The following AUTS2 variants were observed in gnomAD, a reference collection of about 807,000 sequenced individuals.
AUTS2 encodes autism susceptibility gene 2 protein.
In AUTS2, 17 loss-of-function variants were observed where a neutral mutation model predicts 112.4. That is an observed-to-expected ratio of 0.15 (90% confidence interval 0.10 to 0.23). The LOEUF (loss-of-function observed/expected upper bound fraction) is 0.23, where lower values mean the gene tolerates loss of function less well. Among genes scored for constraint, AUTS2 ranks in the 10% least tolerant of loss-of-function variants. AUTS2 has a pLI of 1.00. For missense variants in AUTS2, 1,510 were observed against 1,701.6 expected (o/e 0.89, Z 1.98); for synonymous variants, 751 against 702.7 (o/e 1.07, Z -1.09).
At chr7:70,027,288 T>A (rs1800563723) in intron 2 of AUTS2, among the ~76,000 whole-genome samples, 1 of 152,342 alleles carries the variant, frequency 6.6e-6, no homozygotes, top group Non-Finnish European at 1.5e-5. Flanking sequence ...TTGGTTTTTG[T>A]TATTTTAGCC....
At chr7:70,449,207 G>A (rs776809081) in intron 5 of AUTS2, among the ~76,000 whole-genome samples, 8 of 152,314 alleles carry the variant, frequency 5.3e-5, no homozygotes, top group Admixed American at 1.3e-4. Flanking sequence ...ATTTTTGCCC[G>A]TCCACTTGAA....
intron 2 of AUTS2, among the ~76,000 whole-genome samples, chr7:69,994,688 TCTG>T (rs1798871090): frequency 6.6e-6 from 1 of 152,218 alleles, no homozygotes. Context: ...TAACAGATTA[TCTG>T]CTATTTACTG....
intron 1 of AUTS2, among the ~76,000 whole-genome samples, chr7:69,774,683 T>C (rs1788818133): frequency 6.6e-6 from 1 of 152,266 alleles, no homozygotes; most frequent in African/African-American, 2.4e-5. Context: ...CTTGGCATTG[T>C]GGCTTATGCA....
At chr7:70,353,466 C>G (rs1192280290) in intron 4 of AUTS2, among the ~76,000 whole-genome samples, 1 of 152,064 alleles carries the variant, frequency 6.6e-6, no homozygotes. Context: ...GGAGACCTTT[C>G]TAGTCTCCTG....
At chr7:69,813,368 A>G (rs1169256746) in intron 1 of AUTS2, among the ~76,000 whole-genome samples, 1 of 152,148 alleles carries the variant, frequency 6.6e-6, no homozygotes, top group Admixed American at 6.5e-5. Flanking sequence ...GTGAATAAGC[A>G]TTGCCCAGAG....
chr7:70,253,385 G>C (rs186049036), intron 4 of AUTS2, among the ~76,000 whole-genome samples: 32 of 152,152 alleles, frequency 2.1e-4, no homozygotes, highest in Non-Finnish European at 4.1e-4. Flanking sequence ...TATACTTAGC[G>C]TGTCTGAAAT....
At chr7:70,152,688 A>G (rs1252013020) in intron 4 of AUTS2, among the ~76,000 whole-genome samples, 1 of 152,216 alleles carries the variant, frequency 6.6e-6, no homozygotes, top group Non-Finnish European at 1.5e-5. Flanking sequence ...AAAAACGAGC[A>G]AAAGATTTGA....
At chr7:69,906,471 G>A (rs753013824) in intron 2 of AUTS2, among the ~76,000 whole-genome samples, 18 of 152,178 alleles carry the variant, frequency 1.2e-4, no homozygotes, top group Non-Finnish European at 2.4e-4. Flanking sequence ...CACATGCTGC[G>A]TGATTCCCGT....
rs368284521 is a variant in AUTS2, at chr7:70,714,913, TG to T, written c.742+16294del. Among the ~76,000 whole-genome samples, 5 of 152,366 alleles carry T rather than the reference TG, an allele frequency of 3.3e-5. No individual in the cohort carries two copies. In the East Asian group the frequency reaches 5.8e-4, roughly 18 times the overall value. On this transcript the variant is annotated intron_variant, in intron 6 of 18. Coordinates refer to ENST00000342771, the MANE Select transcript of AUTS2 (RefSeq NM_015570.4). ...TCAAAATTATTCAGTAAGTTTAGGT[TG>T]TGGCAACCTGATACTTGCATTGGCA...
rs186827592 is a variant in AUTS2, at chr7:70,244,847, C to T, written c.660+110276C>T. Among the ~76,000 whole-genome samples, 914 of 152,082 alleles carry T rather than the reference C, an allele frequency of 6.0e-3. 6 individuals are homozygous for T. Among genetic ancestry groups the T allele is most frequent in the Non-Finnish European group, 8.0e-3 (547 of 67,966 alleles). On this transcript the variant is annotated intron_variant, in intron 4 of 18. Coordinates refer to ENST00000342771, the MANE Select transcript of AUTS2 (RefSeq NM_015570.4). Reference sequence around the variant, plus strand: ...AAAGTAAGTGCAAGATGGCCGGGTGCGGCGGTTCACACCTATAATCCCAGC... The same window carrying T: ...AAAGTAAGTGCAAGATGGCCGGGTGTGGCGGTTCACACCTATAATCCCAGC...
chr7:70,288,101 T>G (rs1419389846), intron 4 of AUTS2, among the ~76,000 whole-genome samples: 2 of 152,100 alleles, frequency 1.3e-5, no homozygotes, highest in African/African-American at 4.8e-5. Context: ...GGGCATAATT[T>G]TTGTCATCTT....
At chr7:70,330,502 G>C (rs1025241490) in intron 4 of AUTS2, among the ~76,000 whole-genome samples, 1 of 152,180 alleles carries the variant, frequency 6.6e-6, no homozygotes, top group Non-Finnish European at 1.5e-5. Context: ...CCTTATGCCA[G>C]TAGTACACTG....
chr7:70,605,532 C>T (rs1186649543), intron 5 of AUTS2, among the ~76,000 whole-genome samples: 62 of 100,304 alleles, frequency 6.2e-4, no homozygotes, highest in Middle Eastern at 5.2e-3. Context: ...TTCTTTCTTT[C>T]TTTCCTTCTT....
chr7:70,186,742 G>A (rs968428161), intron 4 of AUTS2, among the ~76,000 whole-genome samples: 6 of 151,956 alleles, frequency 3.9e-5, no homozygotes, highest in Admixed American at 3.3e-4. Context: ...GTTAATTTTT[G>A]CATTTTTAGT....
Position 70,331,516 on chromosome 7 carries a change from AT to A in AUTS2, c.661-104222del, listed in dbSNP as rs372805565. ...AAAAAACTAGCTCCTGGACTCATTG[AT>A]TTTTTTTTTTTTTGAAGGGTTTTTC... On this transcript the variant is annotated intron_variant, in intron 4 of 18. Transcript: ENST00000342771. 6.6e-3 allele frequency among the ~76,000 whole-genome samples: 922 copies of A among 140,662 alleles called. 5 individuals are homozygous for A. The highest frequency in any genetic ancestry group is 0.013 in the African/African-American group (495 of 38,414). The allele number at this position is 140,662 out of a possible 152,430, so 92.3% of individuals were successfully genotyped here.
At chr7:70,017,079 A>AT (rs1800063159) in intron 2 of AUTS2, among the ~76,000 whole-genome samples, 1 of 152,232 alleles carries the variant, frequency 6.6e-6, no homozygotes, top group Admixed American at 6.5e-5. Flanking sequence ...TAATGCTATG[A>AT]AACTTCAAGT....
chr7:69,866,688 T>C (rs1240723447), intron 1 of AUTS2, among the ~76,000 whole-genome samples: 1 of 152,196 alleles, frequency 6.6e-6, no homozygotes, highest in Non-Finnish European at 1.5e-5. Context: ...CCTGTCACAG[T>C]AGATGATGTA....
intron 4 of AUTS2, among the ~76,000 whole-genome samples, chr7:70,309,636 A>T (rs1257898893): frequency 1.3e-5 from 2 of 152,228 alleles, no homozygotes; most frequent in South Asian, 4.1e-4. Context: ...GAAAATCATT[A>T]TTCTATTGTA....
chr7:70,656,905 G>T (rs893777590), intron 5 of AUTS2, among the ~76,000 whole-genome samples: 33 of 112,542 alleles, frequency 2.9e-4, no homozygotes, highest in Middle Eastern at 4.9e-3. Flanking sequence ...AAGCTAAGGT[G>T]TATGGGTTTA....
Sources: allele counts gnomAD v4.1 joint callset (sites outside exome capture counted in the v4.1 genomes callset), GRCh38; gene constraint gnomAD v4.1.1; transcripts MANE v1.5; gene names NCBI Gene and HGNC (gene_info 2026-07-23, HGNC 2026-07-21).